Variants in USH2A observed in about 807,000 individuals in gnomAD.
USH2A encodes the protein usherin.
Under a neutral mutation model 538.9 loss-of-function variants are expected in USH2A, and 443 were observed. The ratio of observed to expected loss-of-function variants is 0.82; its 90% CI spans 0.76 to 0.89. USH2A has a LOEUF of 0.89. USH2A is among the 40% of genes least tolerant of loss of function. USH2A has a pLI of 0.00. For synonymous variants in USH2A, 2,413 were observed against 2,273.5 expected (o/e 1.06, Z -1.75); for missense variants, 6,633 against 6,324.8 (o/e 1.05, Z -1.65).
chr1:215,959,063 A>T (rs1205770070), intron 37 of USH2A, among the ~76,000 whole-genome samples: 1 of 152,132 alleles, frequency 6.6e-6, no homozygotes, highest in Non-Finnish European at 1.5e-5. Context: ...AGCCAGAAGC[A>T]CCATGCTTAC....
intron 3 of USH2A, among the ~76,000 whole-genome samples, chr1:216,409,787 A>T (rs1300324781): frequency 6.6e-6 from 1 of 152,180 alleles, no homozygotes; most frequent in Non-Finnish European, 1.5e-5. Flanking sequence ...AAGACAATCT[A>T]GGCAATAGCA....
At chr1:216,145,598 CTG>C (rs1391258829) in intron 21 of USH2A, among the ~76,000 whole-genome samples, 1 of 152,178 alleles carries the variant, frequency 6.6e-6, no homozygotes, top group Non-Finnish European at 1.5e-5. Context: ...CCCACAAGTC[CTG>C]TGTCAGGCCT....
intron 40 of USH2A, among the ~76,000 whole-genome samples, chr1:215,889,500 A>G (rs1665155630): frequency 6.6e-6 from 1 of 152,170 alleles, no homozygotes; most frequent in South Asian, 2.1e-4. Flanking sequence ...AAAATCCTTC[A>G]GCATCTCTCA....
At chr1:215,907,139 T>C (rs894730036) in intron 38 of USH2A, among the ~76,000 whole-genome samples, 29 of 152,092 alleles carry the variant, frequency 1.9e-4, no homozygotes, top group African/African-American at 5.1e-4. Flanking sequence ...TTAGGGCAAA[T>C]ATAACCTTTT....
intron 21 of USH2A, among the ~76,000 whole-genome samples, chr1:216,167,851 T>C (rs1373608200): frequency 1.3e-5 from 2 of 152,154 alleles, no homozygotes; most frequent in African/African-American, 4.8e-5. Context: ...TTGAGGTGGC[T>C]ACAGATCTAT....
chr1:216,067,233 G>A (rs2031405569), intron 30 of USH2A, among the ~76,000 whole-genome samples: 2 of 152,090 alleles, frequency 1.3e-5, no homozygotes, highest in Non-Finnish European at 2.9e-5. Flanking sequence ...GACATAGGGA[G>A]GGGAACATCA....
At chr1:216,111,749 C>G (rs2032875924) in intron 21 of USH2A, among the ~76,000 whole-genome samples, 2 of 145,608 alleles carry the variant, frequency 1.4e-5, no homozygotes, top group South Asian at 2.2e-4. Flanking sequence ...GCTTCTGAAA[C>G]TAAAAAGAAA....
rs1187214356 is a variant in USH2A at position 216,217,567 on chromosome 1, T to C, written c.2994-17A>G. ...GGCTGACATCTGAAAACAAGGCAAA[T>C]AAACCATCAAAGAGAATAGTGTTTT... is the stretch of plus-strand genomic sequence containing the variant. On this transcript the variant is annotated splice_polypyrimidine_tract_variant and intron_variant, in intron 14 of 71. Coordinates refer to ENST00000307340, the MANE Select transcript of USH2A (RefSeq NM_206933.4). The C allele has an allele frequency of 1.2e-6, 2 of 1,612,098 alleles. No individual in the cohort carries two copies. The highest frequency in any genetic ancestry group is 2.2e-5 in the East Asian group (1 of 44,722).
At chr1:216,219,839 G>A (rs977303690) in intron 14 of USH2A, among the ~76,000 whole-genome samples, 1 of 152,116 alleles carries the variant, frequency 6.6e-6, no homozygotes, top group Non-Finnish European at 1.5e-5. Flanking sequence ...AATTTGTGAT[G>A]TTTATTGACC....
At chr1:216,286,005 C>T (rs1450578302) in intron 11 of USH2A, among the ~76,000 whole-genome samples, 1 of 152,148 alleles carries the variant, frequency 6.6e-6, no homozygotes, top group Non-Finnish European at 1.5e-5. Flanking sequence ...AGGGACATGC[C>T]TTGCCTCAGA....
chr1:216,075,952 T>C (rs531753323), intron 27 of USH2A, among the ~76,000 whole-genome samples: 1 of 152,246 alleles, frequency 6.6e-6, no homozygotes, highest in Admixed American at 6.5e-5. Context: ...AAAACGTTTT[T>C]AAGACAATTG....
chr1:215,827,694 C>T (rs1663194491), intron 47 of USH2A, among the ~76,000 whole-genome samples: 1 of 151,972 alleles, frequency 6.6e-6, no homozygotes, highest in Non-Finnish European at 1.5e-5. Context: ...AAGGTTCTAC[C>T]CATATCCTTT....
chr1:216,256,100 A>G (rs1041656108), intron 11 of USH2A, among the ~76,000 whole-genome samples: 4 of 152,024 alleles, frequency 2.6e-5, no homozygotes, highest in Non-Finnish European at 5.9e-5. Flanking sequence ...CTTTTCCAAC[A>G]TTTACTTTTA....
intron 9 of USH2A, among the ~76,000 whole-genome samples, chr1:216,315,708 T>C (rs1280786776): frequency 1.3e-5 from 2 of 152,188 alleles, no homozygotes; most frequent in African/African-American, 4.8e-5. Flanking sequence ...TTTTTACAAC[T>C]GTATATAAAT....
In USH2A at chr1:215,648,623, G is replaced by A. The variant is rs763486804; in HGVS notation, c.14487C>T (p.Pro4829=). ...TAELRTHPAP[P]SGLSSPQIGT... The stretch of plus-strand genomic sequence containing the variant: ...CGATTTGTGGAGAGGACAGTCCTGA[G>A]GGTGGGGCAGGATGGGTTCTCAGTT... The change falls in exon 66 of 72, where the codon CCC becomes CCT. Residue 4829 remains proline (P), a synonymous_variant. Transcript: ENST00000307340. The A allele has an allele frequency of 6.2e-7, 1 of 1,614,230 alleles. No homozygotes were observed. The highest frequency in any genetic ancestry group is 8.5e-7 in the Non-Finnish European group (1 of 1,180,032).
intron 38 of USH2A, among the ~76,000 whole-genome samples, chr1:215,912,683 T>C (rs1665841978): frequency 6.6e-6 from 1 of 151,950 alleles, no homozygotes; most frequent in Non-Finnish European, 1.5e-5. Context: ...GGTTCAGGGG[T>C]ACATGTGCAG....
intron 11 of USH2A, among the ~76,000 whole-genome samples, chr1:216,280,400 A>G (rs1447503057): frequency 1.6e-4 from 24 of 151,158 alleles, no homozygotes; most frequent in Admixed American, 1.6e-3. Context: ...TACAGACAAA[A>G]GAAAAAAAAA....
chr1:216,023,349 C>T (rs1668882623), intron 32 of USH2A, among the ~76,000 whole-genome samples: 1 of 148,548 alleles, frequency 6.7e-6, no homozygotes, highest in Admixed American at 6.8e-5. Context: ...AAAATCAATA[C>T]AGTTTGTAGG....
chr1:216,173,781 A>T (rs1219490054), intron 21 of USH2A, among the ~76,000 whole-genome samples: 1 of 152,178 alleles, frequency 6.6e-6, no homozygotes, highest in Non-Finnish European at 1.5e-5. Flanking sequence ...CCAAGCTGAC[A>T]TCCTTGCAGC....
Sources: allele counts gnomAD v4.1 joint callset (sites outside exome capture counted in the v4.1 genomes callset), GRCh38; gene constraint gnomAD v4.1.1; transcripts MANE v1.5; gene names NCBI Gene and HGNC (gene_info 2026-07-23, HGNC 2026-07-21).